Variants in ATG4A observed in about 807,000 individuals in gnomAD.
ATG4A encodes autophagy related 4A cysteine peptidase.
A neutral mutation model predicts 38.4 loss-of-function variants in ATG4A; 22 were observed. The observed-to-expected ratio is 0.57, with a 90% CI of 0.41 to 0.82. ATG4A has a LOEUF of 0.82. Ranked by LOEUF, ATG4A falls within the 40% of genes least tolerant of loss-of-function variation. The pLI, the probability that ATG4A is intolerant of heterozygous loss-of-function variation, is 0.00. For missense variants in ATG4A, 220 were observed against 290.0 expected (o/e 0.76, Z 1.75); for synonymous variants, 86 against 100.7 (o/e 0.85, Z 0.88).
chrX:108,114,184 TTAAAG>T (rs1735096869), intron 1 of ATG4A, among the ~76,000 whole-genome samples: 1 of 112,046 alleles, frequency 8.9e-6, no homozygotes, highest in African/African-American at 3.2e-5. Context: ...AGCTTTGAAA[TTAAAG>T]TACTTTTTTT....
At chrX:108,147,614 C>T (rs1421125244) in intron 9 of ATG4A, among the ~76,000 whole-genome samples, 3 of 111,394 alleles carry the variant, frequency 2.7e-5, no homozygotes, top group African/African-American at 9.8e-5. Flanking sequence ...CTTCTGAAGC[C>T]TGGAGCTAGA....
In ATG4A at chrX:108,151,888, A is replaced by G. The variant is rs145629684; in HGVS notation, c.1017+30A>G. The G allele has an allele frequency of 2.7e-4, 311 of 1,140,273 alleles. No homozygotes were observed. The African/African-American group carries it at 4.9e-3, about 18-fold the overall frequency. The allele number at this position is 1,140,273 out of a possible 1,213,427, so 94.0% of individuals were successfully genotyped here. ...AGCTATATGTTTTTCTTAGTCTGAAAAATGAAGTTACCCAATTTTATTCCT... is the reference window on the plus strand; with the variant it reads ...AGCTATATGTTTTTCTTAGTCTGAAGAATGAAGTTACCCAATTTTATTCCT... On this transcript the variant is annotated intron_variant, in intron 11 of 12. Coordinates refer to ENST00000372232, the MANE Select transcript of ATG4A (RefSeq NM_052936.5).
chrX:108,115,935 T>C (rs1179784513), intron 1 of ATG4A, among the ~76,000 whole-genome samples: 3 of 112,336 alleles, frequency 2.7e-5, no homozygotes, highest in Non-Finnish European at 5.6e-5. Flanking sequence ...TGTCAGACAT[T>C]AGAGACTATT....
At chrX:108,148,321 C>T (rs1037741019) in intron 9 of ATG4A, among the ~76,000 whole-genome samples, 187 of 107,089 alleles carry the variant, frequency 1.7e-3, no homozygotes, top group African/African-American at 6.1e-3. Context: ...GATTAAGGAC[C>T]GGTCTGCCTT....
At chrX:108,098,924 A>G (rs2031917361) in intron 1 of ATG4A, among the ~76,000 whole-genome samples, 1 of 111,556 alleles carries the variant, frequency 9.0e-6, no homozygotes, top group Non-Finnish European at 1.9e-5. Flanking sequence ...GTTTTTGGCT[A>G]TTACGAAGAG....
intron 9 of ATG4A, among the ~76,000 whole-genome samples, chrX:108,140,668 C>T (rs2033217307): frequency 1.0e-5 from 1 of 99,388 alleles, no homozygotes; most frequent in Non-Finnish European, 2.0e-5. Context: ...GTATTATATA[C>T]ATTTTACAAA....
chrX:108,091,433 T>G, upstream of ATG4A: 1 of 1,212,264 alleles, frequency 8.2e-7, no homozygotes. Context: ...GCCAGGGATT[T>G]ATCGGCCAGA....
intron 1 of ATG4A, among the ~76,000 whole-genome samples, chrX:108,124,533 C>T (rs2032746789): frequency 9.2e-6 from 1 of 109,068 alleles, no homozygotes; most frequent in South Asian, 4.1e-4. Context: ...CTCACTGCAA[C>T]CTCGGCCTCC....
chrX:108,150,651 TG>T (rs2033562814), intron 10 of ATG4A, among the ~76,000 whole-genome samples: 1 of 112,939 alleles, frequency 8.9e-6, no homozygotes, highest in African/African-American at 3.2e-5. Context: ...ATGTCTTACA[TG>T]GTGGCAGGCA....
At chrX:108,117,890 C>T (rs1018151807) in intron 1 of ATG4A, among the ~76,000 whole-genome samples, 3 of 111,998 alleles carry the variant, frequency 2.7e-5, no homozygotes, top group African/African-American at 9.7e-5. Context: ...GATGAGGTAA[C>T]AGATTATATG....
chrX:108,150,281 A>T lies in ATG4A; in HGVS notation c.944A>T (p.Asp315Val), dbSNP rs1255798229. 9 of 1,211,995 alleles carry T rather than the reference A, an allele frequency of 7.4e-6. No individual in the cohort carries two copies. Among genetic ancestry groups the T allele is most frequent in the Non-Finnish European group, 1.0e-5 (9 of 895,569 alleles). Residue 315 changes from aspartate to valine, a missense_variant, in exon 10 of 13, where the codon GAT (aspartate) becomes GTT (valine). By Grantham distance (152) the Asp-to-Val change is radical. Around this residue, in one of 3 missense-constraint regions of ATG4A, gnomAD observed 159 missense variants for 188.9 expected, o/e 0.84. Coordinates refer to ENST00000372232, the MANE Select transcript of ATG4A (RefSeq NM_052936.5). ...CAGCGAATGAACATCCTAAACCTGGATCCTTCAGTTGCATTGGTGGGTATT... is the reference window on the plus strand; with the variant it reads ...CAGCGAATGAACATCCTAAACCTGGTTCCTTCAGTTGCATTGGTGGGTATT... ...SPQRMNILNL[D>V]PSVALGFFCK... is the part of the protein sequence containing the mutation.
upstream of ATG4A, among the ~76,000 whole-genome samples, chrX:108,089,330 C>A (rs1034509286): frequency 1.8e-5 from 2 of 111,223 alleles, no homozygotes; most frequent in Admixed American, 1.9e-4. Context: ...GAAGTTGGGG[C>A]ACAACTGTCA....
In ATG4A at chrX:108,102,782, AT is replaced by A. The variant is rs375570909; in HGVS notation, c.10+10957del. On this transcript the variant is annotated intron_variant, in intron 1 of 12. Transcript: ENST00000372232. ...GTGGGTATAAAGTTTTACTAGCACC[AT>A]TTTTTTTTTTCTTGCGGGGGAGTTG... 7.3e-3 allele frequency among the ~76,000 whole-genome samples: 727 copies of A among 100,014 alleles called. 2 individuals carry two copies. The highest frequency in any genetic ancestry group is 0.017 in the African/African-American group (462 of 27,633). The allele number at this position is 100,014 out of a possible 115,157, so 86.9% of individuals were successfully genotyped here. A position where few individuals can be genotyped will look rare whatever the true frequency, so the allele number is the denominator to read the frequency against.
chrX:108,131,150 T>A, intron 3 of ATG4A, 110 bp from the exon 4 acceptor site: 1 of 684,522 alleles, frequency 1.5e-6, no homozygotes, highest in East Asian at 3.3e-5. Context: ...GTCACCTCAC[T>A]TTTCAGAGTA....
At chrX:108,091,273 G>C (rs1429495810), upstream of ATG4A, 1 of 563,630 alleles carries the variant, frequency 1.8e-6, no homozygotes. Flanking sequence ...AGGTGACCCA[G>C]GGGGACTGCT....
chrX:108,135,842 T>A (rs1224798855), intron 6 of ATG4A, among the ~76,000 whole-genome samples: 1 of 108,337 alleles, frequency 9.2e-6, no homozygotes, highest in Non-Finnish European at 1.9e-5. Flanking sequence ...TGGAGTGCAG[T>A]GGCACAATCT....
At chrX:108,147,387 C>T (rs1450152769) in intron 9 of ATG4A, among the ~76,000 whole-genome samples, 5 of 111,749 alleles carry the variant, frequency 4.5e-5, no homozygotes, top group Admixed American at 1.9e-4. Flanking sequence ...TCCTCCCACA[C>T]GTTCCCATTC....
chrX:108,126,375 CAAGGCCCTGA>C (rs2032799344), intron 2 of ATG4A, among the ~76,000 whole-genome samples, 188 bp downstream of exon 2: 1 of 111,971 alleles, frequency 8.9e-6, no homozygotes, highest in Non-Finnish European at 1.9e-5. Flanking sequence ...AGGCCCCTTC[CAAGGCCCTGA>C]AAGGCCCTAG....
chrX:108,123,377 C>T (rs745892727), intron 1 of ATG4A, among the ~76,000 whole-genome samples: 3 of 112,131 alleles, frequency 2.7e-5, no homozygotes, highest in African/African-American at 9.7e-5. Flanking sequence ...AAACAAAAAG[C>T]ATTGCTGTTA....
Sources: gnomAD v4.1 joint callset for allele counts (sites outside exome capture counted in the v4.1 genomes callset) on GRCh38, gnomAD v4.1.1 for gene constraint, gnomAD v4.1.1 regional missense constraint, MANE v1.5 for transcripts, NCBI Gene and HGNC (gene_info 2026-07-23, HGNC 2026-07-21) for gene names.